Variants in ZBP1 observed in about 807,000 individuals in gnomAD.
The protein encoded by ZBP1 is Z-DNA binding protein 1, also known as Z-DNA-binding protein 1.
A neutral mutation model predicts 41.1 loss-of-function variants in ZBP1; 42 were observed. The ratio of observed to expected loss-of-function variants is 1.02; its 90% CI spans 0.80 to 1.32. ZBP1 has a LOEUF of 1.32. Ranked by LOEUF, ZBP1 falls within the 40% of genes most tolerant of loss-of-function variation. The pLI is 0.00. For missense variants in ZBP1, 562 were observed against 549.7 expected, an observed-to-expected ratio of 1.02 and a Z score of -0.22; for synonymous variants, 214 against 205.2, an observed-to-expected ratio of 1.04 and a Z score of -0.37.
At chr20:57,616,112 G>T in intron 2 of ZBP1, 132 bp downstream of exon 2, 1 of 736,560 alleles carries the variant, frequency 1.4e-6, no homozygotes, top group Non-Finnish European at 2.0e-6. Context: ...AAGAAACCAA[G>T]GCACAGAGAG....
intron 7 of ZBP1, among the ~76,000 whole-genome samples, chr20:57,609,629 A>G (rs2070594027): frequency 6.6e-6 from 1 of 151,748 alleles, no homozygotes; most frequent in Non-Finnish European, 1.5e-5. Context: ...CTGGTCTGCT[A>G]CCCTCACCCG....
chr20:57,608,914 T>A (rs542376915), intron 7 of ZBP1, among the ~76,000 whole-genome samples: 66 of 152,368 alleles, frequency 4.3e-4, no homozygotes, highest in African/African-American at 1.5e-3. Context: ...TTGGTGGGAC[T>A]GGGTGTGATT....
chr20:57,612,856 G>A, intron 5 of ZBP1: 2 of 1,206,538 alleles, frequency 1.7e-6, no homozygotes, highest in Non-Finnish European at 2.1e-6. Flanking sequence ...TGAAAATGAG[G>A]CATAAGGTCA....
At chr20:57,618,277 A>AAGACCTGAGTTCCCCTTCCAGGAC (rs1467050200) in intron 1 of ZBP1, among the ~76,000 whole-genome samples, 1 of 152,122 alleles carries the variant, frequency 6.6e-6, no homozygotes, top group Non-Finnish European at 1.5e-5. Context: ...CCTTCTTGGA[A>AAGACCTGAGTTCCCCTTCCAGGAC]AGACCTGAGT....
In ZBP1 at chr20:57,620,346, C is replaced by G; in HGVS notation, c.-51G>C. 2 of 1,564,692 alleles carry G rather than the reference C, an allele frequency of 1.3e-6. No individual in the cohort carries two copies. Among genetic ancestry groups the G allele is most frequent in the South Asian group, 2.4e-5 (2 of 84,992 alleles). On this transcript the variant is annotated 5_prime_UTR_variant, in exon 1 of 8. Transcript: ENST00000371173. ...AGAGACTTGGCAGGTGTGCAGGCTT[C>G]TGCACTGTGGCCCTGAGAGGGTGGG...
intron 7 of ZBP1, among the ~76,000 whole-genome samples, chr20:57,609,560 C>T (rs1386790896): frequency 6.6e-6 from 1 of 151,822 alleles, no homozygotes; most frequent in Non-Finnish European, 1.5e-5. Context: ...GTGCTAAGTT[C>T]AACCCCACAG....
At chr20:57,605,146 C>G (rs1278604309) in intron 7 of ZBP1, among the ~76,000 whole-genome samples, 1 of 135,728 alleles carries the variant, frequency 7.4e-6, no homozygotes, top group Non-Finnish European at 1.7e-5. Flanking sequence ...AAACAAAAAC[C>G]ATTCCAGGCC....
chr20:57,619,883 C>A (rs2070955598), intron 1 of ZBP1, among the ~76,000 whole-genome samples: 1 of 149,954 alleles, frequency 6.7e-6, no homozygotes, highest in African/African-American at 2.5e-5. Context: ...GTCACCCAGT[C>A]TGGAGTGCAA....
chr20:57,610,160 C>T lies in ZBP1; in HGVS notation c.1082G>A (p.Gly361Glu), dbSNP rs1424745973. Residue 361 changes from glycine to glutamate, a missense_variant, in exon 7 of 8, where the codon GGG (glycine) becomes GAG (glutamate). Transcript: ENST00000371173. The surrounding 1 kb of genome is among the most constrained non-coding windows in gnomAD (Gnocchi z 5.5). ...GVAGSGEGEP[G>E]EDAGRRPADT... is the part of the protein sequence containing the mutation. ...GCCCCCTAGCTCACCTGCGTCCTCC[C>T]CTGGCTCCCCCTCTCCAGACCCTGC... 4.3e-6 allele frequency: 7 copies of T among 1,613,850 alleles called. No homozygotes were observed. Among genetic ancestry groups the T allele is most frequent in the Non-Finnish European group, 5.9e-6 (7 of 1,179,982 alleles).
rs184048939 is a variant in ZBP1 at position 57,620,186 on chromosome 20, C to G, written c.34+76G>C. The G allele has an allele frequency of 2.6e-6, 4 of 1,513,650 alleles. No homozygotes were observed. The South Asian group carries it at 4.8e-5, about 18-fold the overall frequency. The allele number at this position is 1,513,650 out of a possible 1,614,324, so 93.8% of individuals were successfully genotyped here. ...TATTGTCATCATGATCTGGACCAAGCGAAACAGGAGGAAAGAGAAGTAGAA... is the reference window on the plus strand; with the variant it reads ...TATTGTCATCATGATCTGGACCAAGGGAAACAGGAGGAAAGAGAAGTAGAA... On this transcript the variant is annotated intron_variant, in intron 1 of 7. Transcript: ENST00000371173.
At chr20:57,609,289 G>A (rs555853062) in intron 7 of ZBP1, among the ~76,000 whole-genome samples, 1 of 152,348 alleles carries the variant, frequency 6.6e-6, no homozygotes, top group Non-Finnish European at 1.5e-5. Context: ...CTCAGGCTCT[G>A]CAACCAGCCT....
At chr20:57,616,734 C>T (rs894965733) in intron 1 of ZBP1, 17 of 502,742 alleles carry the variant, frequency 3.4e-5, no homozygotes, top group East Asian at 1.1e-4. Context: ...GTGCCCTCCC[C>T]GGGTGTGGGT....
In ZBP1 at chr20:57,610,860, A is replaced by C. The variant is rs530236432; in HGVS notation, c.875-493T>G. Reference sequence around the variant, plus strand: ...TTCTGCTCCCTGGCCCCCAGAAACCACCCCCTCAAGGTTACCACGATCCCT... The same window carrying C: ...TTCTGCTCCCTGGCCCCCAGAAACCCCCCCCTCAAGGTTACCACGATCCCT... On this transcript the variant is annotated intron_variant, in intron 6 of 7. Transcript: ENST00000371173. This position sits in a 1 kb window ranked among gnomAD's most constrained non-coding sequence, Gnocchi z 5.5. 2.6e-4 allele frequency among the ~76,000 whole-genome samples: 30 copies of C among 115,722 alleles called. No individual in the cohort carries two copies. Among genetic ancestry groups the C allele is most frequent in the South Asian group, 8.2e-4 (3 of 3,658 alleles). The allele number at this position is 115,722 out of a possible 152,430, so 75.9% of individuals were successfully genotyped here.
chr20:57,616,301 A>C lies in ZBP1; in HGVS notation c.202T>G (p.Leu68Val). The change falls in exon 2 of 8, where the codon TTG (leucine) becomes GTG (valine). Residue 68 changes from leucine (L) to valine (V), a missense_variant. Physicochemically the swap from Leu to Val is conservative, Grantham distance 32 (BLOSUM62 1). Coordinates refer to ENST00000371173, the MANE Select transcript of ZBP1 (RefSeq NM_030776.3). ...TCGCCTTCAGGATCAGTCCCGCCCA[A>C]GCACCAGGTGGCAGGGGATGTGAGG... is the stretch of plus-strand genomic sequence containing the variant. Reference protein sequence around the residue: ...VSLTSPATWCLGGTDPEGEGP... With the variant: ...VSLTSPATWCVGGTDPEGEGP... 6.2e-7 allele frequency: 1 copy of C among 1,614,166 alleles called. No individual in the cohort carries two copies. Among genetic ancestry groups the C allele is most frequent in the Non-Finnish European group, 8.5e-7 (1 of 1,180,026 alleles).
chr20:57,604,822 T>A, intron 7 of ZBP1, 53 bp from the exon 8 acceptor site: 1 of 1,531,290 alleles, frequency 6.5e-7, no homozygotes, highest in Non-Finnish European at 8.9e-7. Flanking sequence ...CCTGGGCATT[T>A]CCACAGGGAC....
intron 7 of ZBP1, among the ~76,000 whole-genome samples, chr20:57,606,883 C>T (rs996771472): frequency 5.9e-5 from 9 of 152,122 alleles, no homozygotes; most frequent in Admixed American, 1.3e-4. Context: ...CTGAGTGTTC[C>T]GCATCCTGGA....
At position 57,604,684 on chromosome 20, in the gene ZBP1, G is replaced by A; in HGVS notation, c.1179C>T (p.Thr393=). 1 of 1,614,188 alleles carries A rather than the reference G, an allele frequency of 6.2e-7. No individual in the cohort carries two copies. The stretch of plus-strand genomic sequence containing the variant: ...CAAGAGTCATAGTTTCCAGCTTGGG[G>A]GTGAGCTTCGAGTGGCTGGGAGTGA... ...QPITPSHSKL[T]PKLETMTLGN... is the part of the protein sequence containing the mutation. Residue 393 remains threonine (T), a synonymous_variant, in exon 8 of 8, where the codon ACC becomes ACT. Transcript: ENST00000371173.
In ZBP1 at chr20:57,609,025, G is replaced by GC. The variant is rs918902340; in HGVS notation, c.1093+1123dup. Among the ~76,000 whole-genome samples the GC allele has an allele frequency of 1.7e-4, 26 of 152,284 alleles. 1 individual carries two copies. The highest frequency in any genetic ancestry group is 1.2e-3 in the Admixed American group (18 of 15,308). ...TCATCCAGCCCCTCTCCTGCTCAAA[G>GC]CCCCCCATGGCTTCCAATTGCCTTA... On this transcript the variant is annotated intron_variant, in intron 7 of 7. Coordinates refer to ENST00000371173, the MANE Select transcript of ZBP1 (RefSeq NM_030776.3).
chr20:57,617,724 T>C (rs1309337902), intron 1 of ZBP1: 2 of 152,204 alleles, frequency 1.3e-5, no homozygotes. Context: ...GTAGGTACGA[T>C]GGCATATGCC....
Sources: gnomAD v4.1 joint callset for allele counts (sites outside exome capture counted in the v4.1 genomes callset) on GRCh38, gnomAD v4.1.1 for gene constraint, Gnocchi (gnomAD v3.1) non-coding constraint, MANE v1.5 for transcripts, NCBI Gene and HGNC (gene_info 2026-07-23, HGNC 2026-07-21) for gene names.